MBOAT1: variants seen among roughly 807,000 people sequenced by gnomAD.
MBOAT1 encodes the protein membrane-bound glycerophospholipid O-acyltransferase 1.
In MBOAT1, 67 loss-of-function variants were observed where a neutral mutation model predicts 64.4. That is an observed-to-expected ratio of 1.04 (90% CI 0.85 to 1.27). The LOEUF (loss-of-function observed/expected upper bound fraction) is 1.27, where lower values mean the gene tolerates loss of function less well. MBOAT1 is among the 50% of genes most tolerant of loss of function. The probability of loss-of-function intolerance (pLI) is 0.00; values close to 1 mark genes in which losing one functional copy is unlikely to be tolerated. For synonymous variants in MBOAT1, 229 were observed against 218.9 expected, an observed-to-expected ratio of 1.05 and a Z score of -0.41; for missense variants, 563 against 604.6, an observed-to-expected ratio of 0.93 and a Z score of 0.72.
Position 20,151,168 on chromosome 6 carries a change from C to A in MBOAT1, c.323+17G>T. On this transcript the variant is annotated intron_variant, in intron 3 of 12. Transcript: ENST00000324607. Reference sequence around the variant, plus strand: ...AAAGAAAATCTCACCTTGCATTGTTCATTCCCAGTATCTTACCTGTGAATA... The same window carrying A: ...AAAGAAAATCTCACCTTGCATTGTTAATTCCCAGTATCTTACCTGTGAATA... 1.3e-6 allele frequency: 2 copies of A among 1,568,094 alleles called. No homozygotes were observed. Among genetic ancestry groups the A allele is most frequent in the South Asian group, 2.2e-5 (2 of 89,248 alleles).
chr6:20,198,033 C>G (rs1185155980), intron 1 of MBOAT1, among the ~76,000 whole-genome samples: 1 of 152,058 alleles, frequency 6.6e-6, no homozygotes, highest in Non-Finnish European at 1.5e-5. Flanking sequence ...TGAGACCAGC[C>G]TGGTCAACAT....
intron 4 of MBOAT1, among the ~76,000 whole-genome samples, chr6:20,140,042 G>A (rs1761125213): frequency 6.6e-6 from 1 of 152,064 alleles, no homozygotes; most frequent in Non-Finnish European, 1.5e-5. Flanking sequence ...GCTGAAGGAT[G>A]GCATCTCCTC....
At chr6:20,172,406 G>T (rs947192617) in intron 1 of MBOAT1, among the ~76,000 whole-genome samples, 9 of 152,176 alleles carry the variant, frequency 5.9e-5, no homozygotes, top group Non-Finnish European at 7.3e-5. Context: ...TCCAGCCTGG[G>T]CAACAGAGCA....
intron 1 of MBOAT1, among the ~76,000 whole-genome samples, chr6:20,174,216 C>T (rs1762278347): frequency 6.6e-6 from 1 of 152,146 alleles, no homozygotes; most frequent in Non-Finnish European, 1.5e-5. Context: ...CAGTGCCTGG[C>T]ACATAAGAAG....
intron 5 of MBOAT1, among the ~76,000 whole-genome samples, chr6:20,129,542 C>T (rs1351588203): frequency 1.3e-5 from 2 of 151,362 alleles, no homozygotes; most frequent in East Asian, 1.9e-4. Context: ...GGAATTTACT[C>T]GTTCCTCCCA....
chr6:20,103,671 C>T (rs1759869941), intron 12 of MBOAT1, among the ~76,000 whole-genome samples: 1 of 152,194 alleles, frequency 6.6e-6, no homozygotes, highest in African/African-American at 2.4e-5. Flanking sequence ...AGGTGATGCA[C>T]CCACCTCAGC....
intron 12 of MBOAT1, among the ~76,000 whole-genome samples, chr6:20,103,110 T>C (rs1374555368): frequency 6.6e-6 from 1 of 152,184 alleles, no homozygotes; most frequent in Admixed American, 6.5e-5. Context: ...GAAAAAAAAG[T>C]TAACTGTAAA....
chr6:20,211,255 G>A (rs1039841605), intron 1 of MBOAT1, among the ~76,000 whole-genome samples: 2 of 152,134 alleles, frequency 1.3e-5, no homozygotes, highest in Admixed American at 1.3e-4. Context: ...TGAGAGGAAG[G>A]GGAAGAAAAC....
chr6:20,124,862 C>T lies in MBOAT1; in HGVS notation c.715-262G>A, dbSNP rs544840441. On this transcript the variant is annotated intron_variant, in intron 7 of 12. Transcript: ENST00000324607. ...AGAAAACTTCCATCAGCATATTCAA[C>T]GAACAAAATGTAAGTACTTATATTA... Among the ~76,000 whole-genome samples the T allele has an allele frequency of 1.8e-4, 27 of 152,196 alleles. No individual in the cohort carries two copies. In the East Asian group the frequency reaches 4.6e-3, roughly 26 times the overall value.
At chr6:20,155,671 AG>A (rs1761655372) in intron 1 of MBOAT1, among the ~76,000 whole-genome samples, 1 of 152,200 alleles carries the variant, frequency 6.6e-6, no homozygotes, top group Non-Finnish European at 1.5e-5. Flanking sequence ...AACCTAATTC[AG>A]AGGGAATAGT....
chr6:20,173,844 T>C (rs1197252712), intron 1 of MBOAT1, among the ~76,000 whole-genome samples: 1 of 152,102 alleles, frequency 6.6e-6, no homozygotes, highest in East Asian at 1.9e-4. Context: ...CCAGCTACTC[T>C]GGAGGCTGAG....
chr6:20,174,679 G>A (rs142502262), intron 1 of MBOAT1, among the ~76,000 whole-genome samples: 33 of 152,244 alleles, frequency 2.2e-4, no homozygotes, highest in African/African-American at 7.7e-4. Flanking sequence ...GTGACATTAC[G>A]ACAGCTAGGG....
chr6:20,130,446 C>T (rs945637585), intron 5 of MBOAT1, among the ~76,000 whole-genome samples: 2 of 152,144 alleles, frequency 1.3e-5, no homozygotes, highest in Non-Finnish European at 1.5e-5. Context: ...CTCTGCCTCC[C>T]GGGTTCAAGC....
At chr6:20,192,277 C>T (rs1395846569) in intron 1 of MBOAT1, among the ~76,000 whole-genome samples, 1 of 152,162 alleles carries the variant, frequency 6.6e-6, no homozygotes, top group Non-Finnish European at 1.5e-5. Context: ...ATCTATTTCT[C>T]ACTTATTGCC....
At chr6:20,140,539 G>A (rs1761139541) in intron 4 of MBOAT1, among the ~76,000 whole-genome samples, 1 of 152,214 alleles carries the variant, frequency 6.6e-6, no homozygotes, top group Non-Finnish European at 1.5e-5. Flanking sequence ...ACAGAAAGGC[G>A]AAAGGAAGGA....
At chr6:20,104,326 A>T (rs1759889616) in intron 12 of MBOAT1, among the ~76,000 whole-genome samples, 1 of 152,186 alleles carries the variant, frequency 6.6e-6, no homozygotes, top group Non-Finnish European at 1.5e-5. Flanking sequence ...ACTTTAACCC[A>T]TTGCTCTACT....
chr6:20,151,369 A>C, intron 2 of MBOAT1, 107 bp from the exon 3 acceptor site: 2 of 678,376 alleles, frequency 2.9e-6, no homozygotes, highest in Non-Finnish European at 5.1e-6. Context: ...AAAAACACAA[A>C]TGATCAATGA....
At chr6:20,171,754 C>A (rs1762204396) in intron 1 of MBOAT1, among the ~76,000 whole-genome samples, 1 of 152,050 alleles carries the variant, frequency 6.6e-6, no homozygotes, top group African/African-American at 2.4e-5. Flanking sequence ...AAAAAAGAAG[C>A]CAGGCGCAGT....
Position 20,174,139 on chromosome 6 carries a change from A to G in MBOAT1, c.100-21370T>C, listed in dbSNP as rs145617872. 6.6e-5 allele frequency among the ~76,000 whole-genome samples: 10 copies of G among 152,332 alleles called. No homozygotes were observed. In the East Asian group the frequency reaches 1.7e-3, roughly 26 times the overall value. ...TGGACAGAGTCTAATTATTTTTCCA[A>G]TTGAATGTGAGGGTCTCATGGACAG... On this transcript the variant is annotated intron_variant, in intron 1 of 12. Transcript: ENST00000324607.
Sources: allele counts gnomAD v4.1 joint callset (sites outside exome capture counted in the v4.1 genomes callset), GRCh38; gene constraint gnomAD v4.1.1; transcripts MANE v1.5; gene names NCBI Gene and HGNC (gene_info 2026-07-23, HGNC 2026-07-21).